KIF6: variants seen among roughly 807,000 people sequenced by gnomAD.
KIF6 encodes the protein kinesin-like protein KIF6.
KIF6 carries 106 observed loss-of-function variants against 112.7 expected under a neutral mutation model. The observed-to-expected ratio is 0.94, with a 90% confidence interval of 0.80 to 1.11. The LOEUF is 1.11. KIF6 is among the 50% of genes least tolerant of loss of function. The probability of loss-of-function intolerance (pLI) is 0.00; values close to 1 mark genes in which losing one functional copy is unlikely to be tolerated. For synonymous variants in KIF6, 339 were observed against 339.9 expected (o/e 1.00, Z 0.03); for missense variants, 929 against 964.0 (o/e 0.96, Z 0.48).
intron 18 of KIF6, among the ~76,000 whole-genome samples, chr6:39,358,431 CT>C (rs1764876833): frequency 6.6e-6 from 1 of 152,222 alleles, no homozygotes; most frequent in South Asian, 2.1e-4. Context: ...CATCTGGTCC[CT>C]TTTGTTTCAG....
intron 15 of KIF6, among the ~76,000 whole-genome samples, chr6:39,417,124 T>C (rs1769974508): frequency 6.6e-6 from 1 of 152,224 alleles, no homozygotes; most frequent in Non-Finnish European, 1.5e-5. Flanking sequence ...ACTTGTGTCC[T>C]TCAAGGTTGC....
intron 16 of KIF6, among the ~76,000 whole-genome samples, chr6:39,381,767 T>C (rs765079414): frequency 3.3e-4 from 50 of 152,220 alleles, no homozygotes; most frequent in Admixed American, 2.0e-3. Flanking sequence ...ACTTCTTCTC[T>C]AATTGGGATA....
chr6:39,554,690 C>T (rs930384512), intron 10 of KIF6: 9 of 162,694 alleles, frequency 5.5e-5, no homozygotes, highest in Non-Finnish European at 9.5e-5. Flanking sequence ...AACCCAACCC[C>T]GCTATCTCCT....
chr6:39,527,519 G>GA (rs538935791), intron 13 of KIF6, among the ~76,000 whole-genome samples: 29 of 148,174 alleles, frequency 2.0e-4, no homozygotes, highest in Non-Finnish European at 2.4e-4. Context: ...CAACCAAATG[G>GA]AAAAAAAAAA....
intron 3 of KIF6, among the ~76,000 whole-genome samples, chr6:39,675,383 T>A (rs1163995626): frequency 6.6e-6 from 1 of 152,228 alleles, no homozygotes; most frequent in African/African-American, 2.4e-5. Context: ...TCTATCCATG[T>A]ACATAATTGA....
At chr6:39,640,274 T>C (rs529096395) in intron 3 of KIF6, among the ~76,000 whole-genome samples, 3 of 152,212 alleles carry the variant, frequency 2.0e-5, no homozygotes, top group African/African-American at 7.2e-5. Flanking sequence ...GGAATGACTT[T>C]TTGGTAGAAG....
At chr6:39,445,203 G>A (rs2150400530) in intron 13 of KIF6, among the ~76,000 whole-genome samples, 1 of 152,328 alleles carries the variant, frequency 6.6e-6, no homozygotes, top group Non-Finnish European at 1.5e-5. Context: ...TTGGAGTTGA[G>A]TTTTGGTGGG....
At chr6:39,444,007 C>T (rs1156875466) in intron 13 of KIF6, among the ~76,000 whole-genome samples, 4 of 152,190 alleles carry the variant, frequency 2.6e-5, no homozygotes, top group Non-Finnish European at 4.4e-5. Context: ...ATCTTCACAA[C>T]TCTATTGGTA....
chr6:39,510,866 G>C, intron 13 of KIF6, among the ~76,000 whole-genome samples: 1 of 116,826 alleles, frequency 8.6e-6, no homozygotes, highest in Non-Finnish European at 1.7e-5. Context: ...CCAAGCAAAT[G>C]GGAAGCAAAA....
chr6:39,427,920 A>G (rs930002869), intron 14 of KIF6, among the ~76,000 whole-genome samples: 4 of 152,234 alleles, frequency 2.6e-5, no homozygotes, highest in African/African-American at 9.6e-5. Context: ...TCAGGTTACA[A>G]ACCAGAACCA....
intron 13 of KIF6, among the ~76,000 whole-genome samples, chr6:39,467,705 G>A (rs551496563): frequency 6.6e-6 from 1 of 152,244 alleles, no homozygotes; most frequent in Non-Finnish European, 1.5e-5. Context: ...AATATCTAGA[G>A]CTGCTATATT....
chr6:39,582,656 C>T (rs1037416365), intron 9 of KIF6, among the ~76,000 whole-genome samples: 4 of 152,086 alleles, frequency 2.6e-5, no homozygotes, highest in Non-Finnish European at 5.9e-5. Flanking sequence ...CTCAGGTGAT[C>T]CATCCGCCTC....
At chr6:39,562,199 CTG>C (rs2150598704) in intron 10 of KIF6, among the ~76,000 whole-genome samples, 1 of 152,294 alleles carries the variant, frequency 6.6e-6, no homozygotes, top group African/African-American at 2.4e-5. Context: ...TCTACATAAA[CTG>C]TCTGATATTA....
At position 39,346,075 on chromosome 6, in the gene KIF6, TCTCTCTCTCTC is replaced by T. The variant is rs1763710782; in HGVS notation, c.2232-297_2232-287del. On this transcript the variant is annotated intron_variant, in intron 20 of 22. Coordinates refer to ENST00000287152, the MANE Select transcript of KIF6 (RefSeq NM_145027.6). ...CTCTCTCTCTCTCTCTCTCTCTCTC[TCTCTCTCTCTC>T]CCCCCCCTCTCCCTCCCCCCCTCCC... Among the ~76,000 whole-genome samples, 8 of 21,136 alleles carry T rather than the reference TCTCTCTCTCTC, an allele frequency of 3.8e-4. No homozygotes were observed. In the African/African-American group the frequency reaches 4.0e-3, roughly 11 times the overall value. 13.9% of individuals were successfully genotyped at this position (21,136 alleles called of 152,430 possible).
At chr6:39,380,555 G>GCA (rs138866953) in intron 16 of KIF6, among the ~76,000 whole-genome samples, 3 of 151,334 alleles carry the variant, frequency 2.0e-5, no homozygotes, top group Non-Finnish European at 2.9e-5. Context: ...ACATGCACGC[G>GCA]CACACACACA....
intron 13 of KIF6, among the ~76,000 whole-genome samples, chr6:39,450,630 C>T (rs1416750546): frequency 6.6e-6 from 1 of 152,066 alleles, no homozygotes; most frequent in Non-Finnish European, 1.5e-5. Context: ...CATGGTGAAA[C>T]CCCATCTCTA....
At chr6:39,597,610 C>T (rs1260999932) in intron 6 of KIF6, among the ~76,000 whole-genome samples, 1 of 152,068 alleles carries the variant, frequency 6.6e-6, no homozygotes, top group Non-Finnish European at 1.5e-5. Flanking sequence ...ACAATGCACA[C>T]AAAGAAATTC....
intron 13 of KIF6, among the ~76,000 whole-genome samples, chr6:39,475,412 G>A (rs1320332604): frequency 6.6e-6 from 1 of 152,196 alleles, no homozygotes; most frequent in Admixed American, 6.5e-5. Flanking sequence ...AAGTTTGCAA[G>A]TATGCTTATT....
chr6:39,368,507 G>C (rs902252565), intron 16 of KIF6, among the ~76,000 whole-genome samples: 7 of 152,196 alleles, frequency 4.6e-5, no homozygotes, highest in Non-Finnish European at 1.0e-4. Context: ...TTGACTCGTC[G>C]TTGGTATTTG....
Sources: allele counts gnomAD v4.1 joint callset (sites outside exome capture counted in the v4.1 genomes callset), GRCh38; gene constraint gnomAD v4.1.1; transcripts MANE v1.5; gene names NCBI Gene and HGNC (gene_info 2026-07-23, HGNC 2026-07-21).